Variants in ARHGEF9 observed in about 807,000 individuals in gnomAD.
The protein encoded by ARHGEF9 is rho guanine nucleotide exchange factor 9.
ARHGEF9 carries 2 observed loss-of-function variants against 41.3 expected under a neutral mutation model. That is an observed-to-expected ratio of 0.05 (90% CI 0.02 to 0.15). The LOEUF (loss-of-function observed/expected upper bound fraction) is 0.15. Among genes scored for constraint, ARHGEF9 ranks in the 10% least tolerant of loss-of-function variants. The pLI, the probability that ARHGEF9 is intolerant of heterozygous loss-of-function variation, is 1.00. For missense variants in ARHGEF9, 225 were observed against 424.7 expected (o/e 0.53, Z 4.13); for synonymous variants, 160 against 154.4 (o/e 1.04, Z -0.27).
At chrX:63,696,013 C>T (rs1431441823) in intron 4 of ARHGEF9, among the ~76,000 whole-genome samples, 1 of 111,679 alleles carries the variant, frequency 9.0e-6, no homozygotes, top group Non-Finnish European at 1.9e-5. Flanking sequence ...GCACTTTGCC[C>T]TGTGTGCCTT....
chrX:63,646,968 A>G (rs2048136290), intron 8 of ARHGEF9, among the ~76,000 whole-genome samples: 2 of 110,983 alleles, frequency 1.8e-5, no homozygotes, highest in Middle Eastern at 4.2e-3. Flanking sequence ...TTGGATTCCT[A>G]GGTATTTTAT....
chrX:63,742,976 C>T (rs1255629171), intron 1 of ARHGEF9, among the ~76,000 whole-genome samples: 3 of 112,208 alleles, frequency 2.7e-5, no homozygotes, highest in African/African-American at 9.7e-5. Flanking sequence ...TGGCTCACTC[C>T]TGTAATCCCA....
At chrX:63,774,338 T>A (rs1556456854) in intron 1 of ARHGEF9, among the ~76,000 whole-genome samples, 1 of 111,428 alleles carries the variant, frequency 9.0e-6, no homozygotes, top group East Asian at 2.8e-4. Context: ...TCAGAGTATT[T>A]GAGATTGCCT....
intron 1 of ARHGEF9, chrX:63,754,254 C>A (rs782745032): frequency 1.7e-6 from 2 of 1,165,223 alleles, no homozygotes; most frequent in East Asian, 5.9e-5. Context: ...TACGCGCAGG[C>A]ATTCTTAAAA....
chrX:63,741,601 G>A lies in ARHGEF9; in HGVS notation c.31-16890C>T, dbSNP rs782472160. ...TTGTTTGCCCAAGTAGTCTTTAGGA[G>A]TGTGTATCTCAGGTATAGGAGTGCA... On this transcript the variant is annotated intron_variant, in intron 1 of 9. Transcript: ENST00000671741. Among the ~76,000 whole-genome samples the A allele has an allele frequency of 1.1e-3, 122 of 112,737 alleles. 1 individual carries two copies. Among genetic ancestry groups the A allele is most frequent in the African/African-American group, 3.9e-3 (120 of 31,052 alleles).
chrX:63,660,597 CAG>C (rs782817665), intron 7 of ARHGEF9, among the ~76,000 whole-genome samples: 1 of 112,137 alleles, frequency 8.9e-6, no homozygotes, highest in African/African-American at 3.2e-5. Context: ...TACTAAATGG[CAG>C]AGCTTGGCTT....
At chrX:63,680,617 C>G (rs1602371943) in intron 4 of ARHGEF9, among the ~76,000 whole-genome samples, 3 of 112,515 alleles carry the variant, frequency 2.7e-5, no homozygotes, top group African/African-American at 9.7e-5. Context: ...CTCTTTGGCA[C>G]AGGGCCCCAG....
rs1379241463 is a variant in ARHGEF9, at chrX:63,648,546, C to T, written c.1322-4498G>A. Among the ~76,000 whole-genome samples, 9 of 111,354 alleles carry T rather than the reference C, an allele frequency of 8.1e-5. No homozygotes were observed. The East Asian group carries it at 8.5e-4, about 11-fold the overall frequency. ...GCTAGGAAGAAACTGCATCAACTAACGAGCAAAATAACCAGCTAAGATCAT... is the reference window on the plus strand; with the variant it reads ...GCTAGGAAGAAACTGCATCAACTAATGAGCAAAATAACCAGCTAAGATCAT... On this transcript the variant is annotated intron_variant, in intron 8 of 9. Transcript: ENST00000671741.
At chrX:63,745,751 C>G (rs1292211847) in intron 1 of ARHGEF9, among the ~76,000 whole-genome samples, 1 of 111,285 alleles carries the variant, frequency 9.0e-6, no homozygotes, top group Admixed American at 9.5e-5. Flanking sequence ...AAATGAAATA[C>G]CCACCCCCAT....
At position 63,637,822 on chromosome X, in the gene ARHGEF9, A is replaced by G; in HGVS notation, c.*206T>C. ...ATATTTCACTTCCCCAAAACAACAG[A>G]AAACACTTTTGTTCCTTATCTCTCT... On this transcript the variant is annotated 3_prime_UTR_variant, in exon 10 of 10. Transcript: ENST00000671741. 1 of 326,508 alleles carries G rather than the reference A, an allele frequency of 3.1e-6. No homozygotes were observed. Among genetic ancestry groups the G allele is most frequent in the Non-Finnish European group, 5.2e-6 (1 of 193,370 alleles). 26.9% of individuals were successfully genotyped at this position (326,508 alleles called of 1,213,427 possible).
chrX:63,724,789 T>A (rs1556416032), intron 1 of ARHGEF9, 78 bp from the exon 2 acceptor site: 7 of 941,977 alleles, frequency 7.4e-6, no homozygotes. Flanking sequence ...AGAGCTCTAC[T>A]ACTTACAGAG....
intron 1 of ARHGEF9, among the ~76,000 whole-genome samples, chrX:63,744,101 T>C (rs1449229871): frequency 8.9e-6 from 1 of 111,894 alleles, no homozygotes; most frequent in Non-Finnish European, 1.9e-5. Flanking sequence ...GACTTCACAT[T>C]TGCACCTCCT....
chrX:63,770,767 G>T lies in ARHGEF9; in HGVS notation c.30+14349C>A, dbSNP rs782398580. Among the ~76,000 whole-genome samples the T allele has an allele frequency of 3.6e-5, 4 of 111,770 alleles. No homozygotes were observed. The South Asian group carries it at 1.5e-3, about 42-fold the overall frequency. On this transcript the variant is annotated intron_variant, in intron 1 of 9. Transcript: ENST00000671741. ...GAGTGAGTTCTCACAAGATCTGATG[G>T]TTTTATAAGTACCTGGCATTTCCTC...
chrX:63,648,226 A>C (rs1312338640), intron 8 of ARHGEF9, among the ~76,000 whole-genome samples: 1 of 111,824 alleles, frequency 8.9e-6, no homozygotes, highest in African/African-American at 3.2e-5. Flanking sequence ...CACAAAAGGA[A>C]GCCCATCAGA....
intron 1 of ARHGEF9, among the ~76,000 whole-genome samples, chrX:63,745,040 G>A (rs1556432004): frequency 9.6e-6 from 1 of 104,522 alleles, no homozygotes; most frequent in African/African-American, 3.5e-5. Flanking sequence ...AGGGAGGAGG[G>A]AGAGAGTGGG....
chrX:63,761,016 T>C (rs1471050760), intron 1 of ARHGEF9, among the ~76,000 whole-genome samples: 4 of 111,223 alleles, frequency 3.6e-5, no homozygotes, highest in Non-Finnish European at 5.7e-5. Context: ...TAGTGTGAAT[T>C]TGAGGGCATT....
intron 1 of ARHGEF9, among the ~76,000 whole-genome samples, chrX:63,739,502 C>T (rs2054822569): frequency 9.0e-6 from 1 of 111,203 alleles, no homozygotes; most frequent in Admixed American, 9.6e-5. Context: ...CTGGCAGATT[C>T]CTTTAGCACT....
intron 4 of ARHGEF9, among the ~76,000 whole-genome samples, chrX:63,688,077 G>T (rs1389077754): frequency 9.0e-6 from 1 of 111,158 alleles, no homozygotes; most frequent in Admixed American, 9.6e-5. Flanking sequence ...ACTCTCAAAG[G>T]TTAACAGACA....
chrX:63,778,770 A>T (rs2056334998), intron 1 of ARHGEF9, among the ~76,000 whole-genome samples: 1 of 112,200 alleles, frequency 8.9e-6, no homozygotes, highest in African/African-American at 3.2e-5. Context: ...TCTCTAGGGC[A>T]GGGGCAAAAT....
Sources: gnomAD v4.1 joint callset for allele counts (sites outside exome capture counted in the v4.1 genomes callset) on GRCh38, gnomAD v4.1.1 for gene constraint, MANE v1.5 for transcripts, NCBI Gene and HGNC (gene_info 2026-07-23, HGNC 2026-07-21) for gene names.